Variants in PRKN observed in about 807,000 individuals in gnomAD.
PRKN encodes E3 ubiquitin-protein ligase parkin.
In PRKN, 56 loss-of-function variants were observed where a neutral mutation model predicts 59.5. The ratio of observed to expected loss-of-function variants is 0.94; its 90% confidence interval spans 0.76 to 1.18. The LOEUF (loss-of-function observed/expected upper bound fraction) is 1.18, where lower values mean the gene tolerates loss of function less well. Ranked by LOEUF, PRKN falls within the 50% of genes most tolerant of loss-of-function variation. The pLI, the probability that PRKN is intolerant of heterozygous loss-of-function variation, is 0.00. For missense variants in PRKN, 657 were observed against 596.4 expected, an observed-to-expected ratio of 1.10 and a Z score of -1.06; for synonymous variants, 250 against 222.1, an observed-to-expected ratio of 1.13 and a Z score of -1.12.
intron 7 of PRKN, among the ~76,000 whole-genome samples, chr6:161,668,212 C>G (rs1376732739): frequency 6.7e-6 from 1 of 149,916 alleles, no homozygotes. Flanking sequence ...AGACCTTTAG[C>G]CCAGAAAAAA....
chr6:162,643,396 T>TCAAA (rs1778038549), intron 1 of PRKN, among the ~76,000 whole-genome samples: 1 of 5,334 alleles, frequency 1.9e-4, no homozygotes, highest in Non-Finnish European at 4.1e-4. Flanking sequence ...AGACTCTGCC[T>TCAAA]CAAAAAAAAA....
intron 7 of PRKN, among the ~76,000 whole-genome samples, chr6:161,768,319 C>T (rs1049464290): frequency 6.6e-6 from 1 of 152,150 alleles, no homozygotes; most frequent in African/African-American, 2.4e-5. Flanking sequence ...AAAGGGTTTT[C>T]AATTACATGC....
At chr6:162,039,987 T>C (rs1486160069) in intron 5 of PRKN, among the ~76,000 whole-genome samples, 3 of 152,234 alleles carry the variant, frequency 2.0e-5, no homozygotes, top group Non-Finnish European at 4.4e-5. Context: ...TAAACAGGAT[T>C]AAATTAAAGC....
At chr6:161,811,388 A>G (rs1203994576) in intron 6 of PRKN, among the ~76,000 whole-genome samples, 1 of 152,202 alleles carries the variant, frequency 6.6e-6, no homozygotes, top group Non-Finnish European at 1.5e-5. Context: ...AAATCAAGCC[A>G]GTGTGGTACT....
intron 4 of PRKN, among the ~76,000 whole-genome samples, chr6:162,174,236 A>G (rs1783428246): frequency 6.6e-6 from 1 of 152,218 alleles, no homozygotes; most frequent in Non-Finnish European, 1.5e-5. Context: ...AGAAATACTT[A>G]CACATATAGA....
At chr6:162,133,094 C>T (rs186775717) in intron 4 of PRKN, among the ~76,000 whole-genome samples, 12 of 152,132 alleles carry the variant, frequency 7.9e-5, no homozygotes, top group African/African-American at 2.9e-4. Flanking sequence ...GATGGGCAGG[C>T]AGATGGTTTG....
intron 7 of PRKN, among the ~76,000 whole-genome samples, chr6:161,772,127 C>A (rs546408454): frequency 1.3e-5 from 2 of 152,028 alleles, no homozygotes; most frequent in Admixed American, 6.6e-5. Flanking sequence ...ATGATGATGG[C>A]GGTAGTGATG....
intron 1 of PRKN, among the ~76,000 whole-genome samples, chr6:162,526,026 A>G (rs1023116498): frequency 2.6e-5 from 4 of 151,994 alleles, no homozygotes; most frequent in Non-Finnish European, 5.9e-5. Flanking sequence ...TATTTCTTGT[A>G]AAGCTGGGGT....
chr6:162,193,656 T>C (rs1441737609), intron 4 of PRKN, among the ~76,000 whole-genome samples: 3 of 152,200 alleles, frequency 2.0e-5, no homozygotes, highest in African/African-American at 7.2e-5. Context: ...CCTATGGCCA[T>C]TTGTAGGAGT....
Position 161,621,540 on chromosome 6 carries a change from C to T in PRKN, c.872-52124G>A, listed in dbSNP as rs114937429. ...TTTGTTTTTCCTCTATATAGGCCCC[C>T]AGGAGCCTGAATGGGGCCCGTCCAC... On this transcript the variant is annotated intron_variant, in intron 7 of 11. Coordinates refer to ENST00000366898, the MANE Select transcript of PRKN (RefSeq NM_004562.3). 8.1e-3 allele frequency among the ~76,000 whole-genome samples: 1,234 copies of T among 152,194 alleles called. 19 individuals are homozygous for T. The highest frequency in any genetic ancestry group is 0.028 in the African/African-American group (1,152 of 41,508).
intron 10 of PRKN, among the ~76,000 whole-genome samples, chr6:161,381,041 C>A (rs1011339027): frequency 2.6e-5 from 4 of 152,140 alleles, no homozygotes; most frequent in African/African-American, 9.7e-5. Flanking sequence ...TTTTGTTGTT[C>A]TGTTTGTTTT....
intron 7 of PRKN, among the ~76,000 whole-genome samples, chr6:161,668,260 T>C (rs970874028): frequency 9.4e-5 from 13 of 137,680 alleles, no homozygotes; most frequent in East Asian, 4.3e-4. Flanking sequence ...AGGTTTTTCA[T>C]ATAAAGAAAA....
At chr6:162,043,234 A>G (rs1388093116) in intron 5 of PRKN, among the ~76,000 whole-genome samples, 1 of 152,186 alleles carries the variant, frequency 6.6e-6, no homozygotes, top group Non-Finnish European at 1.5e-5. Context: ...GAATTTTGGG[A>G]GACACAATTC....
intron 2 of PRKN, among the ~76,000 whole-genome samples, chr6:162,271,023 T>G (rs541679382): frequency 1.4e-5 from 2 of 147,482 alleles, no homozygotes; most frequent in East Asian, 2.0e-4. Flanking sequence ...CTAGTTTTTT[T>G]TTTTTTTTTT....
intron 2 of PRKN, among the ~76,000 whole-genome samples, chr6:162,371,320 T>G (rs2128137005): frequency 6.6e-6 from 1 of 152,260 alleles, no homozygotes; most frequent in East Asian, 1.9e-4. Flanking sequence ...AGCAGTGTGG[T>G]GACCAGGTGT....
Position 161,417,992 on chromosome 6 carries a change from C to T in PRKN, c.1084-31115G>A, listed in dbSNP as rs1024569319. On this transcript the variant is annotated intron_variant, in intron 9 of 11. Transcript: ENST00000366898. The surrounding 1 kb of genome is among the most constrained non-coding windows in gnomAD (Gnocchi z 5.4). ...CTCCCTCCTGGGCCTGGCCCCCAGG[C>T]CTGGCTGACTCCATGGGGGGCCTGG... Among the ~76,000 whole-genome samples, 2 of 152,190 alleles carry T rather than the reference C, an allele frequency of 1.3e-5. No homozygotes were observed. The highest frequency in any genetic ancestry group is 4.8e-5 in the African/African-American group (2 of 41,446).
At chr6:162,207,864 C>A (rs1785019714) in intron 3 of PRKN, among the ~76,000 whole-genome samples, 1 of 152,144 alleles carries the variant, frequency 6.6e-6, no homozygotes, top group Non-Finnish European at 1.5e-5. Flanking sequence ...TAAATTCTCC[C>A]ATATTTTTAA....
intron 3 of PRKN, among the ~76,000 whole-genome samples, chr6:162,236,611 C>G (rs1778732273): frequency 7.0e-6 from 1 of 142,394 alleles, no homozygotes; most frequent in Admixed American, 7.5e-5. Flanking sequence ...CATGGTGAAA[C>G]TCCATCTCTA....
At chr6:162,066,130 C>A (rs1430964807) in intron 4 of PRKN, among the ~76,000 whole-genome samples, 2 of 152,106 alleles carry the variant, frequency 1.3e-5, no homozygotes, top group African/African-American at 2.4e-5. Flanking sequence ...GTTCTAGATC[C>A]TTGAGGAATC....
Sources: gnomAD v4.1 joint callset for allele counts (sites outside exome capture counted in the v4.1 genomes callset) on GRCh38, gnomAD v4.1.1 for gene constraint, Gnocchi (gnomAD v3.1) non-coding constraint, MANE v1.5 for transcripts, NCBI Gene and HGNC (gene_info 2026-07-23, HGNC 2026-07-21) for gene names.